CNTNAP5: variants seen among roughly 807,000 people sequenced by gnomAD.
The protein encoded by CNTNAP5 is contactin-associated protein-like 5.
In CNTNAP5, 72 loss-of-function variants were observed where a neutral mutation model predicts 150.2. The observed-to-expected ratio is 0.48, with a 90% confidence interval of 0.40 to 0.58. The LOEUF is 0.58. Ranked by LOEUF, CNTNAP5 falls within the 20% of genes least tolerant of loss-of-function variation. The pLI, the probability that CNTNAP5 is intolerant of heterozygous loss-of-function variation, is 0.00. For synonymous variants in CNTNAP5, 672 were observed against 619.8 expected, an observed-to-expected ratio of 1.08 and a Z score of -1.25; for missense variants, 1,636 against 1,626.2, an observed-to-expected ratio of 1.01 and a Z score of -0.10.
rs754593975 is a variant in CNTNAP5, at chr2:124,915,652, C to G, written c.*1364C>G. On this transcript the variant is annotated 3_prime_UTR_variant, in exon 24 of 24. Transcript: ENST00000682447. ...ACCCTTCCAAACATCTTTTTATAGGCTTAAACTCCCAAAAGAGGTGGTGAC... is the reference window on the plus strand; with the variant it reads ...ACCCTTCCAAACATCTTTTTATAGGGTTAAACTCCCAAAAGAGGTGGTGAC... Among the ~76,000 whole-genome samples, 33 of 152,036 alleles carry G rather than the reference C, an allele frequency of 2.2e-4. No individual in the cohort carries two copies. The highest frequency in any genetic ancestry group is 4.3e-4 in the Non-Finnish European group (29 of 67,978).
chr2:124,178,270 C>T (rs930163661), intron 1 of CNTNAP5, among the ~76,000 whole-genome samples: 4 of 152,286 alleles, frequency 2.6e-5, no homozygotes, highest in South Asian at 4.1e-4. Context: ...ACTCACTGTA[C>T]GTGTAGAAAT....
intron 8 of CNTNAP5, among the ~76,000 whole-genome samples, chr2:124,523,128 C>A (rs2104885438): frequency 6.6e-6 from 1 of 152,314 alleles, no homozygotes; most frequent in Admixed American, 6.5e-5. Flanking sequence ...CAAAGACCAT[C>A]TCGTATTTGC....
intron 1 of CNTNAP5, among the ~76,000 whole-genome samples, chr2:124,084,924 G>GTTTTTTTTTTTTTTTTTTTTTTTTT (rs71394021): frequency 1.1e-5 from 1 of 89,980 alleles, no homozygotes; most frequent in Non-Finnish European, 2.0e-5. Context: ...CAAGTTTCCT[G>GTTTTTTTTTTTTTTTTTTTTTTTTT]TTTTTTTTTT....
chr2:124,206,425 C>A (rs2104717679), intron 1 of CNTNAP5, among the ~76,000 whole-genome samples: 1 of 152,336 alleles, frequency 6.6e-6, no homozygotes, highest in East Asian at 1.9e-4. Context: ...CCCTTGTCAA[C>A]ATAATGCGTG....
intron 21 of CNTNAP5, among the ~76,000 whole-genome samples, chr2:124,883,483 G>A (rs1489617572): frequency 1.3e-5 from 2 of 152,046 alleles, no homozygotes; most frequent in East Asian, 3.9e-4. Flanking sequence ...CAAAACATGA[G>A]TGAAACTTTT....
chr2:124,704,828 C>T (rs944240290), intron 13 of CNTNAP5, among the ~76,000 whole-genome samples: 4 of 152,068 alleles, frequency 2.6e-5, no homozygotes, highest in African/African-American at 7.2e-5. Context: ...TTCCCCATCT[C>T]TCAGCTTAGC....
At chr2:124,310,403 C>G (rs907296849) in intron 3 of CNTNAP5, among the ~76,000 whole-genome samples, 4 of 151,844 alleles carry the variant, frequency 2.6e-5, no homozygotes, top group African/African-American at 9.7e-5. Flanking sequence ...AAACTCTTTC[C>G]CCTCTATTAA....
chr2:124,467,574 G>A (rs978995662), intron 6 of CNTNAP5, among the ~76,000 whole-genome samples: 2 of 151,992 alleles, frequency 1.3e-5, no homozygotes, highest in Non-Finnish European at 2.9e-5. Context: ...TGATCTGAGG[G>A]ATATATTTAT....
chr2:124,338,648 A>G (rs974453007), intron 3 of CNTNAP5, among the ~76,000 whole-genome samples: 1 of 152,008 alleles, frequency 6.6e-6, no homozygotes, highest in African/African-American at 2.4e-5. Context: ...TACAATTGCA[A>G]TTTTCTTTAG....
At chr2:124,525,265 A>T (rs1694937257) in intron 9 of CNTNAP5, among the ~76,000 whole-genome samples, 1 of 152,204 alleles carries the variant, frequency 6.6e-6, no homozygotes, top group Admixed American at 6.5e-5. Flanking sequence ...TAGCTGTCTG[A>T]CCTTGAGAAA....
intron 1 of CNTNAP5, among the ~76,000 whole-genome samples, chr2:124,104,832 C>T (rs1160145628): frequency 3.3e-5 from 5 of 152,202 alleles, no homozygotes; most frequent in Non-Finnish European, 7.3e-5. Flanking sequence ...ATCATGCTGA[C>T]AGCTTTGGTA....
chr2:124,471,576 C>G (rs947771745), intron 6 of CNTNAP5, among the ~76,000 whole-genome samples: 1 of 152,078 alleles, frequency 6.6e-6, no homozygotes, highest in Non-Finnish European at 1.5e-5. Context: ...TGCCTAATTG[C>G]CTGGCCAGAA....
intron 1 of CNTNAP5, among the ~76,000 whole-genome samples, chr2:124,030,189 G>T (rs539345792): frequency 1.2e-4 from 18 of 151,910 alleles, no homozygotes; most frequent in African/African-American, 4.4e-4. Context: ...ATTGCCTACT[G>T]GTCATTTTAT....
At chr2:124,159,568 A>T (rs1234984557) in intron 1 of CNTNAP5, among the ~76,000 whole-genome samples, 1 of 152,192 alleles carries the variant, frequency 6.6e-6, no homozygotes, top group Non-Finnish European at 1.5e-5. Flanking sequence ...CAACTGTGTG[A>T]CCATGTTAAG....
chr2:124,522,881 A>G (rs919853831), intron 8 of CNTNAP5, among the ~76,000 whole-genome samples: 8 of 152,142 alleles, frequency 5.3e-5, no homozygotes, highest in Non-Finnish European at 5.9e-5. Flanking sequence ...CACTTCAATG[A>G]AACATTCTTG....
intron 1 of CNTNAP5, among the ~76,000 whole-genome samples, chr2:124,027,763 C>T (rs1158288211): frequency 6.6e-6 from 1 of 152,134 alleles, no homozygotes; most frequent in East Asian, 1.9e-4. Flanking sequence ...ATGCTCACTG[C>T]TTGCTAAATA....
chr2:124,242,754 T>A (rs779989), intron 3 of CNTNAP5, among the ~76,000 whole-genome samples: 59,640 of 151,950 alleles, frequency 0.39, 11,975 homozygotes, highest in East Asian at 0.6. Flanking sequence ...GACTTATTAG[T>A]TTATTATATG....
At chr2:124,287,384 C>T (rs1025262965) in intron 3 of CNTNAP5, among the ~76,000 whole-genome samples, 2 of 152,092 alleles carry the variant, frequency 1.3e-5, no homozygotes, top group Non-Finnish European at 2.9e-5. Context: ...AGCTCTTTGG[C>T]GTTGGAAACT....
chr2:124,818,755 C>T (rs1040321430), intron 19 of CNTNAP5, among the ~76,000 whole-genome samples: 9 of 152,148 alleles, frequency 5.9e-5, no homozygotes, highest in Admixed American at 3.9e-4. Context: ...GCACCCAGAG[C>T]TATCCATTCA....
Sources: allele counts gnomAD v4.1 joint callset (sites outside exome capture counted in the v4.1 genomes callset), GRCh38; gene constraint gnomAD v4.1.1; transcripts MANE v1.5; gene names NCBI Gene and HGNC (gene_info 2026-07-23, HGNC 2026-07-21).